Variants in MGAT4C observed in about 807,000 individuals in gnomAD.
MGAT4C encodes MGAT4 family member C.
Under a neutral mutation model 40.1 loss-of-function variants are expected in MGAT4C, and 19 were observed. That is an observed-to-expected ratio of 0.47 (90% CI 0.33 to 0.70). The LOEUF (loss-of-function observed/expected upper bound fraction) is 0.70, where lower values mean the gene tolerates loss of function less well. Ranked by LOEUF, MGAT4C falls within the 30% of genes least tolerant of loss-of-function variation. The pLI, the probability that MGAT4C is intolerant of heterozygous loss-of-function variation, is 0.02. For synonymous variants in MGAT4C, 181 were observed against 187.1 expected (o/e 0.97, Z 0.27); for missense variants, 491 against 563.2 (o/e 0.87, Z 1.30).
At chr12:86,680,354 C>A (rs1949959139) in intron 2 of MGAT4C, among the ~76,000 whole-genome samples, 1 of 151,680 alleles carries the variant, frequency 6.6e-6, no homozygotes, top group African/African-American at 2.4e-5. Flanking sequence ...ATAATCTAGG[C>A]AGATTTATAT....
chr12:86,333,136 T>C (rs570914976), intron 4 of MGAT4C, among the ~76,000 whole-genome samples: 1 of 152,266 alleles, frequency 6.6e-6, no homozygotes, highest in South Asian at 2.1e-4. Context: ...TACATCTGAA[T>C]AGGATTCCTT....
chr12:86,735,742 C>T (rs1343484353), intron 1 of MGAT4C, among the ~76,000 whole-genome samples: 1 of 151,766 alleles, frequency 6.6e-6, no homozygotes, highest in Non-Finnish European at 1.5e-5. Context: ...TCTCATCCTA[C>T]TCCAACATCT....
chr12:86,165,007 A>G (rs1015976995), intron 1 of MGAT4C, among the ~76,000 whole-genome samples: 1 of 152,190 alleles, frequency 6.6e-6, no homozygotes, highest in African/African-American at 2.4e-5. Context: ...GGTTGTTAAA[A>G]TGAGTAGTCC....
At chr12:85,995,166 AGC>A (rs1886467127) in intron 2 of MGAT4C, among the ~76,000 whole-genome samples, 1 of 152,152 alleles carries the variant, frequency 6.6e-6, no homozygotes, top group East Asian at 1.9e-4. Flanking sequence ...CAAATAGGTA[AGC>A]CCTGTGATTT....
intron 2 of MGAT4C, 54 bp from the exon 3 acceptor site, chr12:85,989,606 C>T: frequency 6.8e-7 from 1 of 1,472,004 alleles, no homozygotes; most frequent in Non-Finnish European, 9.2e-7. Context: ...GCAAATATTT[C>T]TTTATCGCAT....
chr12:86,564,024 A>G (rs1242909135), intron 2 of MGAT4C, among the ~76,000 whole-genome samples: 1 of 152,152 alleles, frequency 6.6e-6, no homozygotes, highest in Non-Finnish European at 1.5e-5. Context: ...AAAATAGTAA[A>G]TCAAAAATAG....
intron 1 of MGAT4C, among the ~76,000 whole-genome samples, chr12:86,796,048 A>G (rs1259871332): frequency 6.6e-6 from 1 of 152,000 alleles, no homozygotes; most frequent in Non-Finnish European, 1.5e-5. Flanking sequence ...TCCTTTGCTG[A>G]GCTGAACCTA....
chr12:86,169,421 A>G (rs1886551836), intron 1 of MGAT4C, among the ~76,000 whole-genome samples: 1 of 152,142 alleles, frequency 6.6e-6, no homozygotes. Context: ...CTCTCACTAG[A>G]AATAATCATT....
At chr12:86,492,670 G>A (rs1302780383) in intron 2 of MGAT4C, among the ~76,000 whole-genome samples, 3 of 152,056 alleles carry the variant, frequency 2.0e-5, no homozygotes, top group Non-Finnish European at 2.9e-5. Context: ...AGACTTAAAC[G>A]TTAGACCTAA....
chr12:86,178,126 CAG>C (rs1887688158), intron 1 of MGAT4C, among the ~76,000 whole-genome samples: 1 of 152,120 alleles, frequency 6.6e-6, no homozygotes, highest in Non-Finnish European at 1.5e-5. Context: ...TTGGTAGAGA[CAG>C]GGTTTCACCG....
chr12:86,189,987 G>T (rs905338507), intron 1 of MGAT4C, among the ~76,000 whole-genome samples: 1 of 151,954 alleles, frequency 6.6e-6, no homozygotes, highest in Non-Finnish European at 1.5e-5. Context: ...ATCTCAAAAT[G>T]AAGGCTAAAT....
chr12:86,746,547 A>G (rs974248382), intron 1 of MGAT4C, among the ~76,000 whole-genome samples: 3 of 151,724 alleles, frequency 2.0e-5, no homozygotes, highest in African/African-American at 7.2e-5. Flanking sequence ...TGTTCCTGAG[A>G]AGGCTGGAGA....
At chr12:86,592,325 AT>A (rs1198601772) in intron 2 of MGAT4C, among the ~76,000 whole-genome samples, 1 of 152,092 alleles carries the variant, frequency 6.6e-6, no homozygotes, top group African/African-American at 2.4e-5. Context: ...TTACTGTGTG[AT>A]TTTGAACACG....
At chr12:85,989,370 A>C (rs1411577647) in intron 3 of MGAT4C, 30 bp downstream of exon 3, 1 of 1,534,084 alleles carries the variant, frequency 6.5e-7, no homozygotes, top group African/African-American at 1.4e-5. Context: ...CCTTATTTTG[A>C]AGAAAAGACA....
At chr12:86,544,159 T>A (rs1007772030) in intron 2 of MGAT4C, among the ~76,000 whole-genome samples, 2 of 152,178 alleles carry the variant, frequency 1.3e-5, no homozygotes, top group African/African-American at 4.8e-5. Context: ...CTTTCCACAA[T>A]GCAATTTTTA....
At chr12:86,199,518 A>C (rs1310507890) in intron 1 of MGAT4C, among the ~76,000 whole-genome samples, 2 of 152,118 alleles carry the variant, frequency 1.3e-5, no homozygotes. Context: ...GCATATATTA[A>C]TATTTAATGT....
chr12:86,295,283 T>A (rs1257705339), intron 4 of MGAT4C, among the ~76,000 whole-genome samples: 1 of 152,198 alleles, frequency 6.6e-6, no homozygotes, highest in East Asian at 1.9e-4. Context: ...TTGTGATAAC[T>A]TTTATTTTGC....
intron 4 of MGAT4C, among the ~76,000 whole-genome samples, chr12:86,290,265 G>C (rs1953474326): frequency 6.6e-6 from 1 of 152,014 alleles, no homozygotes; most frequent in African/African-American, 2.4e-5. Context: ...TTGAACTCCT[G>C]GCCTCAGGTG....
chr12:86,459,665 C>A (rs1182833993), intron 2 of MGAT4C, among the ~76,000 whole-genome samples: 34 of 109,590 alleles, frequency 3.1e-4, no homozygotes, highest in Non-Finnish European at 4.9e-4. Flanking sequence ...CCCAACCTTC[C>A]CCGCCCCCAC....
Sources: allele counts gnomAD v4.1 joint callset (sites outside exome capture counted in the v4.1 genomes callset), GRCh38; gene constraint gnomAD v4.1.1; transcripts MANE v1.5; gene names NCBI Gene and HGNC (gene_info 2026-07-23, HGNC 2026-07-21).